Variants in SLC24A3 observed in about 807,000 individuals in gnomAD.
SLC24A3 encodes the protein sodium/potassium/calcium exchanger 3.
In SLC24A3, 28 loss-of-function variants were observed where a neutral mutation model predicts 75.8. The ratio of observed to expected loss-of-function variants is 0.37; its 90% CI spans 0.27 to 0.51. The LOEUF is 0.51. Among genes scored for constraint, SLC24A3 ranks in the 20% least tolerant of loss-of-function variants. SLC24A3 has a pLI of 0.94. For missense variants in SLC24A3, 663 were observed against 847.8 expected, an observed-to-expected ratio of 0.78 and a Z score of 2.71; for synonymous variants, 372 against 334.1, an observed-to-expected ratio of 1.11 and a Z score of -1.24.
intron 2 of SLC24A3, among the ~76,000 whole-genome samples, chr20:19,506,799 A>G (rs376482474): frequency 1.3e-5 from 2 of 152,162 alleles, no homozygotes; most frequent in African/African-American, 4.8e-5. Flanking sequence ...AGTATTGAGT[A>G]TGGTATCCAG....
chr20:19,631,659 GA>G (rs1206649268), intron 6 of SLC24A3, among the ~76,000 whole-genome samples: 1 of 152,154 alleles, frequency 6.6e-6, no homozygotes, highest in Non-Finnish European at 1.5e-5. Flanking sequence ...GCTAGCCCAG[GA>G]AAAGATCGAA....
chr20:19,700,995 T>C (rs553995968), intron 15 of SLC24A3, among the ~76,000 whole-genome samples: 6 of 152,234 alleles, frequency 3.9e-5, no homozygotes, highest in Non-Finnish European at 8.8e-5. Context: ...ATATAAAAGA[T>C]TGTTTTCCAG....
chr20:19,530,666 A>G (rs1162014611), intron 3 of SLC24A3, among the ~76,000 whole-genome samples: 1 of 152,218 alleles, frequency 6.6e-6, no homozygotes, highest in East Asian at 1.9e-4. Flanking sequence ...CTCCTGGGTG[A>G]CCTGAAGCAT....
At chr20:19,242,930 A>G (rs1982372998) in intron 1 of SLC24A3, among the ~76,000 whole-genome samples, 1 of 152,232 alleles carries the variant, frequency 6.6e-6, no homozygotes, top group Non-Finnish European at 1.5e-5. Flanking sequence ...TGTGCTGTAA[A>G]CAATGCATAA....
intron 12 of SLC24A3, among the ~76,000 whole-genome samples, chr20:19,686,855 T>C (rs1435376977): frequency 6.6e-6 from 1 of 152,222 alleles, no homozygotes; most frequent in Non-Finnish European, 1.5e-5. Flanking sequence ...TCATTACTTG[T>C]TAGTACATTA....
At position 19,709,362 on chromosome 20, in the gene SLC24A3, A is replaced by T. The variant is rs184508316; in HGVS notation, c.1720-8166A>T. Reference sequence around the variant, plus strand: ...GGGAGATGGGGGGATGTGGGTGAGTACTGCTGGCAGCTGCTGCAGGGGCAT... The same window carrying T: ...GGGAGATGGGGGGATGTGGGTGAGTTCTGCTGGCAGCTGCTGCAGGGGCAT... On this transcript the variant is annotated intron_variant, in intron 15 of 16. Transcript: ENST00000328041. Among the ~76,000 whole-genome samples the T allele has an allele frequency of 9.9e-5, 15 of 152,256 alleles. No homozygotes were observed. In the East Asian group the frequency reaches 2.9e-3, roughly 29 times the overall value.
At chr20:19,395,893 G>A (rs976620729) in intron 2 of SLC24A3, among the ~76,000 whole-genome samples, 1 of 152,160 alleles carries the variant, frequency 6.6e-6, no homozygotes, top group Non-Finnish European at 1.5e-5. Context: ...CGAGCCTAGA[G>A]GAGATGGTTT....
At chr20:19,528,626 G>A (rs550954246) in intron 3 of SLC24A3, among the ~76,000 whole-genome samples, 2 of 152,260 alleles carry the variant, frequency 1.3e-5, no homozygotes, top group East Asian at 3.9e-4. Flanking sequence ...TTGCCCATGA[G>A]TGGATTCCAA....
chr20:19,403,648 T>C (rs1986590435), intron 2 of SLC24A3, among the ~76,000 whole-genome samples: 2 of 152,196 alleles, frequency 1.3e-5, no homozygotes, highest in African/African-American at 4.8e-5. Flanking sequence ...GGGATGGCTC[T>C]TCTGGGGAAA....
chr20:19,316,990 C>T (rs1251293393), intron 2 of SLC24A3, among the ~76,000 whole-genome samples: 2 of 152,066 alleles, frequency 1.3e-5, no homozygotes, highest in Non-Finnish European at 2.9e-5. Flanking sequence ...GCTCTCCCTC[C>T]TCCCACCCCT....
At chr20:19,438,993 C>T (rs1987255349) in intron 2 of SLC24A3, among the ~76,000 whole-genome samples, 1 of 152,238 alleles carries the variant, frequency 6.6e-6, no homozygotes, top group Non-Finnish European at 1.5e-5. Context: ...AAGTGCATAC[C>T]CGGGGGAAGA....
At chr20:19,317,587 T>A (rs1984614302) in intron 2 of SLC24A3, among the ~76,000 whole-genome samples, 2 of 152,196 alleles carry the variant, frequency 1.3e-5, no homozygotes, top group South Asian at 2.1e-4. Context: ...GTAAAACAGC[T>A]TCCCATCCCC....
Position 19,659,081 on chromosome 20 carries a change from G to A in SLC24A3, c.687+4945G>A, listed in dbSNP as rs116987689. On this transcript the variant is annotated intron_variant, in intron 7 of 16. Coordinates refer to ENST00000328041, the MANE Select transcript of SLC24A3 (RefSeq NM_020689.4). ...GCTGGAGGACGGGGACTGTGAACAT[G>A]GAGAGGAGGGCAGCCCTCAGGGGAA... is the stretch of plus-strand genomic sequence containing the variant. Among the ~76,000 whole-genome samples the A allele has an allele frequency of 2.6e-4, 39 of 152,326 alleles. No homozygotes were observed. The East Asian group carries it at 7.2e-3, about 28-fold the overall frequency.
At chr20:19,266,178 G>A (rs1051651905) in intron 1 of SLC24A3, among the ~76,000 whole-genome samples, 5 of 152,154 alleles carry the variant, frequency 3.3e-5, no homozygotes, top group Admixed American at 3.3e-4. Flanking sequence ...TCATCAGGAA[G>A]CTTATAGTCT....
chr20:19,279,948 G>T (rs1983609405), intron 1 of SLC24A3, among the ~76,000 whole-genome samples: 1 of 152,238 alleles, frequency 6.6e-6, no homozygotes, highest in Non-Finnish European at 1.5e-5. Context: ...CCTAAAGAGA[G>T]AGTCATGCTG....
Position 19,392,220 on chromosome 20 carries a change from C to T in SLC24A3, c.271+111133C>T, listed in dbSNP as rs187085925. Among the ~76,000 whole-genome samples, 41 of 152,246 alleles carry T rather than the reference C, an allele frequency of 2.7e-4. No individual in the cohort carries two copies. In the East Asian group the frequency reaches 7.9e-3, roughly 29 times the overall value. ...GTAATTCTAAGGGGTAAACAAACAA[C>T]AGTTACATCTGAAGGTCCCTTGTAT... On this transcript the variant is annotated intron_variant, in intron 2 of 16. Transcript: ENST00000328041.
intron 3 of SLC24A3, among the ~76,000 whole-genome samples, chr20:19,533,178 C>T (rs2030332802): frequency 6.6e-6 from 1 of 152,212 alleles, no homozygotes; most frequent in South Asian, 2.1e-4. Context: ...AGTCAGACAA[C>T]AGCTGGAGCT....
chr20:19,287,848 CT>C (rs1983852575), intron 2 of SLC24A3, among the ~76,000 whole-genome samples: 1 of 152,260 alleles, frequency 6.6e-6, no homozygotes, highest in Non-Finnish European at 1.5e-5. Context: ...AACTCCACCA[CT>C]TTCGACCTGT....
At chr20:19,390,717 C>G (rs1367992396) in intron 2 of SLC24A3, among the ~76,000 whole-genome samples, 1 of 152,192 alleles carries the variant, frequency 6.6e-6, no homozygotes, top group Non-Finnish European at 1.5e-5. Context: ...GCTATAATTG[C>G]TGAATTTCCA....
Sources: allele counts gnomAD v4.1 joint callset (sites outside exome capture counted in the v4.1 genomes callset), GRCh38; gene constraint gnomAD v4.1.1; transcripts MANE v1.5; gene names NCBI Gene and HGNC (gene_info 2026-07-23, HGNC 2026-07-21).